The following LRBA variants were observed in gnomAD, a reference collection of about 807,000 sequenced individuals.
The protein encoded by LRBA is LPS responsive beige-like anchor protein.
Under a neutral mutation model 330.0 loss-of-function variants are expected in LRBA, and 176 were observed. The observed-to-expected ratio is 0.53, with a 90% CI of 0.47 to 0.60. The LOEUF (loss-of-function observed/expected upper bound fraction) is 0.60, where lower values mean the gene tolerates loss of function less well. Among genes scored for constraint, LRBA ranks in the 20% least tolerant of loss-of-function variants. The pLI, the probability that LRBA is intolerant of heterozygous loss-of-function variation, is 0.00. For missense variants in LRBA, 3,259 were observed against 3,444.8 expected (o/e 0.95, Z 1.35); for synonymous variants, 1,230 against 1,193.0 (o/e 1.03, Z -0.64).
chr4:150,360,439 G>A (rs911005216), intron 47 of LRBA, among the ~76,000 whole-genome samples: 2 of 151,980 alleles, frequency 1.3e-5, no homozygotes, highest in Admixed American at 6.6e-5. Flanking sequence ...CAGAAATCTG[G>A]TATACATTTT....
intron 34 of LRBA, among the ~76,000 whole-genome samples, chr4:150,786,668 A>T (rs1408477110): frequency 6.6e-6 from 1 of 152,150 alleles, no homozygotes; most frequent in Non-Finnish European, 1.5e-5. Context: ...CCATCCAATG[A>T]TTTTATCCCC....
intron 46 of LRBA, among the ~76,000 whole-genome samples, chr4:150,417,354 G>A (rs1240175665): frequency 2.6e-5 from 4 of 151,832 alleles, no homozygotes; most frequent in South Asian, 4.2e-4. Context: ...TTAATTTCCA[G>A]CTTTGACAAA....
At position 150,851,946 on chromosome 4, in the gene LRBA, C is replaced by G. The variant is rs191899647; in HGVS notation, c.3764G>C (p.Arg1255Thr). 3.0e-5 allele frequency: 48 copies of G among 1,614,136 alleles called. No individual in the cohort carries two copies. The East Asian group carries it at 1.0e-3, about 34-fold the overall frequency. Residue 1255 changes from arginine (R) to threonine (T), a missense_variant, in exon 23 of 57, where the codon AGG becomes ACG. Arg to Thr is a moderately conservative substitution (Grantham distance 71). Transcript: ENST00000651943. Reference sequence around the variant, plus strand: ...GTTGGGACTGGCCTTCAACTCCAGCCTCTCAGTATCTGTAGCAACATTGGA... The same window carrying G: ...GTTGGGACTGGCCTTCAACTCCAGCGTCTCAGTATCTGTAGCAACATTGGA... ...DVSNVATDTE[R>T]LELKASPNVE...
chr4:150,640,664 C>T (rs915425243), intron 37 of LRBA, among the ~76,000 whole-genome samples: 4 of 152,154 alleles, frequency 2.6e-5, no homozygotes, highest in African/African-American at 7.2e-5. Flanking sequence ...TAATTTCTGG[C>T]ACTGCCATAG....
chr4:150,386,448 T>G lies in LRBA; in HGVS notation c.7194+28990A>C, dbSNP rs1328248935. ...CCACCCTCCAAGAGGCCCCAGTGTG[T>G]GTTGTTCCCCTCCCCCTGTCCATGT... is the stretch of plus-strand genomic sequence containing the variant. On this transcript the variant is annotated intron_variant, in intron 47 of 56. Coordinates refer to ENST00000651943, the MANE Select transcript of LRBA (RefSeq NM_001364905.1). Among the ~76,000 whole-genome samples, 5 of 126,944 alleles carry G rather than the reference T, an allele frequency of 3.9e-5. No individual in the cohort carries two copies. In the Admixed American group the frequency reaches 4.4e-4, roughly 11 times the overall value. The allele number at this position is 126,944 out of a possible 152,430, so 83.3% of individuals were successfully genotyped here.
chr4:150,819,986 AT>A (rs1379408374), intron 30 of LRBA, among the ~76,000 whole-genome samples: 1 of 151,966 alleles, frequency 6.6e-6, no homozygotes, highest in Non-Finnish European at 1.5e-5. Flanking sequence ...GTGTTGTGTC[AT>A]TTCACAACTC....
chr4:150,643,536 C>T (rs1778871626), intron 37 of LRBA, among the ~76,000 whole-genome samples: 1 of 151,834 alleles, frequency 6.6e-6, no homozygotes, highest in Non-Finnish European at 1.5e-5. Flanking sequence ...ATGCTGCATG[C>T]ATGAAGAACA....
intron 36 of LRBA, among the ~76,000 whole-genome samples, chr4:150,684,223 G>C (rs1174357850): frequency 7.9e-5 from 12 of 152,182 alleles, no homozygotes; most frequent in Admixed American, 6.6e-5. Context: ...GCTATTTAGA[G>C]AATGGATTGT....
intron 20 of LRBA, 139 bp downstream of exon 20, chr4:150,870,386 A>G (rs1753279169): frequency 7.9e-6 from 5 of 629,240 alleles, no homozygotes; most frequent in Non-Finnish European, 1.4e-5. Context: ...AACCCAAACA[A>G]AACTAGTATA....
Position 150,315,573 on chromosome 4 carries a change from C to A in LRBA, c.7681G>T (p.Asp2561Tyr). The A allele has an allele frequency of 6.2e-7, 1 of 1,612,076 alleles. No homozygotes were observed. Among genetic ancestry groups the A allele is most frequent in the Non-Finnish European group, 8.5e-7 (1 of 1,178,772 alleles). Residue 2561 changes from aspartate to tyrosine, a missense_variant, in exon 51 of 57, where the codon GAT becomes TAT. Coordinates refer to ENST00000651943, the MANE Select transcript of LRBA (RefSeq NM_001364905.1). ...GGAAGTGACAGACCTATGAGAGGAT[C>A]GATTTCCACTGGCAGCTGGTATGGC... ...DQPYQLPVEIDPLIASNTGMH... is the reference protein window; with the variant it reads ...DQPYQLPVEIYPLIASNTGMH...
chr4:150,518,962 C>T (rs1049681594), intron 40 of LRBA, among the ~76,000 whole-genome samples: 1 of 152,074 alleles, frequency 6.6e-6, no homozygotes, highest in Non-Finnish European at 1.5e-5. Context: ...GTGACCTCTG[C>T]CACAAACATT....
intron 17 of LRBA, among the ~76,000 whole-genome samples, chr4:150,891,065 C>A (rs569294719): frequency 2.0e-5 from 3 of 152,132 alleles, no homozygotes; most frequent in Non-Finnish European, 4.4e-5. Flanking sequence ...TTTACATAAA[C>A]CCTTAAATCT....
intron 35 of LRBA, among the ~76,000 whole-genome samples, chr4:150,736,453 A>G (rs892509679): frequency 2.6e-5 from 4 of 152,122 alleles, no homozygotes; most frequent in Non-Finnish European, 5.9e-5. Context: ...GAACTGAAAA[A>G]AAATAAATAA....
At chr4:151,012,004 C>T (rs1744909885) in intron 2 of LRBA, among the ~76,000 whole-genome samples, 1 of 152,076 alleles carries the variant, frequency 6.6e-6, no homozygotes, top group Non-Finnish European at 1.5e-5. Context: ...GCCAAAACCC[C>T]AGATAATCCA....
At chr4:150,604,129 C>T (rs1015880904) in intron 37 of LRBA, among the ~76,000 whole-genome samples, 4 of 152,176 alleles carry the variant, frequency 2.6e-5, no homozygotes, top group Admixed American at 1.3e-4. Flanking sequence ...AATTTTTAGG[C>T]TGGGCACTGT....
At chr4:150,364,824 A>G (rs1347775994) in intron 47 of LRBA, among the ~76,000 whole-genome samples, 1 of 152,138 alleles carries the variant, frequency 6.6e-6, no homozygotes, top group Non-Finnish European at 1.5e-5. Flanking sequence ...AACTGAGCAT[A>G]TAGTAGATGC....
intron 36 of LRBA, among the ~76,000 whole-genome samples, chr4:150,696,665 G>T (rs1784642495): frequency 6.6e-6 from 1 of 152,088 alleles, no homozygotes; most frequent in Non-Finnish European, 1.5e-5. Context: ...TGCTCAAAGA[G>T]TTATAGACAG....
rs80205332 is a variant in LRBA, at chr4:150,545,136, C to T, written c.6330+42912G>A. Reference sequence around the variant, plus strand: ...TTATGCTCATGAAAGCCTTTAAAAACGATGAAGCATTTCATAATAAAATGA... The same window carrying T: ...TTATGCTCATGAAAGCCTTTAAAAATGATGAAGCATTTCATAATAAAATGA... On this transcript the variant is annotated intron_variant, in intron 40 of 56. Coordinates refer to ENST00000651943, the MANE Select transcript of LRBA (RefSeq NM_001364905.1). Among the ~76,000 whole-genome samples, 139 of 152,216 alleles carry T rather than the reference C, an allele frequency of 9.1e-4. 3 individuals carry two copies. The highest frequency in any genetic ancestry group is 3.2e-3 in the African/African-American group (133 of 41,544).
Position 151,010,967 on chromosome 4 carries a change from C to T in LRBA, c.216+3460G>A, listed in dbSNP as rs533861660. On this transcript the variant is annotated intron_variant, in intron 2 of 56. Coordinates refer to ENST00000651943, the MANE Select transcript of LRBA (RefSeq NM_001364905.1). ...CTTTGGGAGGCTGAGGCAGGCGGAT[C>T]ACGAGGTCAGGAGATCGAGACCATC... Among the ~76,000 whole-genome samples the T allele has an allele frequency of 1.5e-4, 22 of 151,318 alleles. No homozygotes were observed. In the South Asian group the frequency reaches 4.6e-3, roughly 32 times the overall value.
Sources: gnomAD v4.1 joint callset for allele counts (sites outside exome capture counted in the v4.1 genomes callset) on GRCh38, gnomAD v4.1.1 for gene constraint, MANE v1.5 for transcripts, NCBI Gene and HGNC (gene_info 2026-07-23, HGNC 2026-07-21) for gene names.